Variants in SMAP1 observed in about 807,000 individuals in gnomAD.
SMAP1 encodes the protein stromal membrane-associated protein 1.
A neutral mutation model predicts 58.5 loss-of-function variants in SMAP1; 24 were observed. The observed-to-expected ratio is 0.41, with a 90% CI of 0.30 to 0.58. The LOEUF (loss-of-function observed/expected upper bound fraction) is 0.58. Ranked by LOEUF, SMAP1 falls within the 20% of genes least tolerant of loss-of-function variation. The pLI, the probability that SMAP1 is intolerant of heterozygous loss-of-function variation, is 0.29. For missense variants in SMAP1, 563 were observed against 566.3 expected (o/e 0.99, Z 0.06); for synonymous variants, 216 against 196.6 (o/e 1.10, Z -0.82).
At chr6:70,716,464 G>A (rs150003495) in intron 1 of SMAP1, among the ~76,000 whole-genome samples, 1,979 of 152,278 alleles carry the variant, frequency 0.013, 12 homozygotes, top group Non-Finnish European at 0.022. Context: ...CTCCTGCTGT[G>A]TGGTCTTGTT....
intron 1 of SMAP1, among the ~76,000 whole-genome samples, chr6:70,718,405 A>G (rs1272832756): frequency 2.0e-5 from 3 of 152,200 alleles, no homozygotes; most frequent in Non-Finnish European, 2.9e-5. Context: ...TACATCACCA[A>G]CTAAGTTGGG....
chr6:70,789,065 T>C (rs772037170), intron 4 of SMAP1, among the ~76,000 whole-genome samples: 2 of 152,202 alleles, frequency 1.3e-5, no homozygotes, highest in Non-Finnish European at 2.9e-5. Flanking sequence ...TTCCCTCATT[T>C]ACCCCTGTGT....
At chr6:70,786,067 A>G (rs889857271) in intron 4 of SMAP1, among the ~76,000 whole-genome samples, 5 of 152,236 alleles carry the variant, frequency 3.3e-5, no homozygotes, top group Non-Finnish European at 7.3e-5. Context: ...AATACTGGCA[A>G]ACTGAATCCA....
At chr6:70,772,791 T>C (rs1383171371) in intron 3 of SMAP1, 2 of 152,238 alleles carry the variant, frequency 1.3e-5, no homozygotes, top group African/African-American at 2.4e-5. Context: ...GAATCCTATA[T>C]GATGTGCCCA....
At chr6:70,688,536 C>T (rs1767026683) in intron 1 of SMAP1, among the ~76,000 whole-genome samples, 1 of 152,064 alleles carries the variant, frequency 6.6e-6, no homozygotes. Context: ...TTGGATTCTC[C>T]TAGTGGTTTA....
intron 6 of SMAP1, among the ~76,000 whole-genome samples, chr6:70,811,470 C>G (rs962082985): frequency 1.3e-5 from 2 of 152,058 alleles, no homozygotes; most frequent in Non-Finnish European, 2.9e-5. Context: ...CTGCCTGTTA[C>G]GCGATCCTCG....
At chr6:70,689,106 T>G (rs938278332) in intron 1 of SMAP1, among the ~76,000 whole-genome samples, 4 of 152,078 alleles carry the variant, frequency 2.6e-5, no homozygotes, top group Non-Finnish European at 4.4e-5. Context: ...CTGCTTCAAG[T>G]GATTCTCATG....
chr6:70,836,847 A>G (rs1770609058), intron 6 of SMAP1, 94 bp from the exon 7 acceptor site: 5 of 991,730 alleles, frequency 5.0e-6, no homozygotes, highest in Non-Finnish European at 7.2e-6. Context: ...TTTTTTTTAC[A>G]CTAACTTTAT....
intron 1 of SMAP1, among the ~76,000 whole-genome samples, chr6:70,700,381 C>T (rs112040066): frequency 0.017 from 2,650 of 152,272 alleles, 34 homozygotes; most frequent in Non-Finnish European, 0.023. Flanking sequence ...TCACTGCAAC[C>T]TCCATTTCCC....
intron 3 of SMAP1, among the ~76,000 whole-genome samples, chr6:70,767,562 G>A (rs899160674): frequency 2.0e-5 from 3 of 151,562 alleles, no homozygotes; most frequent in South Asian, 2.1e-4. Flanking sequence ...TCTGTTATTG[G>A]TGTATAAGAA....
chr6:70,793,813 C>G (rs1768477380), intron 5 of SMAP1, among the ~76,000 whole-genome samples: 1 of 152,136 alleles, frequency 6.6e-6, no homozygotes, highest in African/African-American at 2.4e-5. Context: ...CCTCCCACTG[C>G]AACCTCCGCC....
intron 4 of SMAP1, among the ~76,000 whole-genome samples, chr6:70,784,270 C>T (rs1220600910): frequency 1.3e-5 from 2 of 151,824 alleles, no homozygotes; most frequent in Non-Finnish European, 2.9e-5. Flanking sequence ...TTTGTCACCA[C>T]CAGGCCTGCC....
At chr6:70,790,354 G>A (rs12190398) in intron 4 of SMAP1, among the ~76,000 whole-genome samples, 20,414 of 152,024 alleles carry the variant, frequency 0.13, 1,469 homozygotes, top group Middle Eastern at 0.23. Flanking sequence ...GGCCAGGCTG[G>A]TCTCGAACTC....
chr6:70,705,823 T>C (rs988469563), intron 1 of SMAP1, among the ~76,000 whole-genome samples: 2 of 152,196 alleles, frequency 1.3e-5, no homozygotes, highest in Non-Finnish European at 2.9e-5. Flanking sequence ...GCCTATTTTT[T>C]AGTGTGGAAA....
At chr6:70,678,078 G>C (rs2128550358) in intron 1 of SMAP1, among the ~76,000 whole-genome samples, 1 of 152,246 alleles carries the variant, frequency 6.6e-6, no homozygotes, top group African/African-American at 2.4e-5. Flanking sequence ...AAGTGCTCTT[G>C]GAAACATGCT....
At chr6:70,746,170 C>A (rs1477582477) in intron 2 of SMAP1, among the ~76,000 whole-genome samples, 1 of 152,132 alleles carries the variant, frequency 6.6e-6, no homozygotes, top group Non-Finnish European at 1.5e-5. Flanking sequence ...TTATTTCTTT[C>A]TCTTGCCTGA....
chr6:70,733,595 C>G (rs1322532019), intron 2 of SMAP1, among the ~76,000 whole-genome samples: 1 of 152,138 alleles, frequency 6.6e-6, no homozygotes, highest in African/African-American at 2.4e-5. Flanking sequence ...AGGCTGGTCT[C>G]AAACTCTTGG....
intron 1 of SMAP1, among the ~76,000 whole-genome samples, chr6:70,708,202 G>T (rs1401368996): frequency 6.6e-6 from 1 of 151,890 alleles, no homozygotes; most frequent in Non-Finnish European, 1.5e-5. Context: ...TCACATATAC[G>T]TGAGATTATA....
At chr6:70,786,564 C>T (rs1176229094) in intron 4 of SMAP1, among the ~76,000 whole-genome samples, 1 of 151,182 alleles carries the variant, frequency 6.6e-6, no homozygotes, top group Non-Finnish European at 1.5e-5. Flanking sequence ...CCCATCGTCT[C>T]AGCCCAAAAT....
Sources: gnomAD v4.1 joint callset for allele counts (sites outside exome capture counted in the v4.1 genomes callset) on GRCh38, gnomAD v4.1.1 for gene constraint, MANE v1.5 for transcripts, NCBI Gene and HGNC (gene_info 2026-07-23, HGNC 2026-07-21) for gene names.